LRP6: variants seen among roughly 807,000 people sequenced by gnomAD.
LRP6 encodes the protein LDL receptor related protein 6.
LRP6 carries 43 observed loss-of-function variants against 184.1 expected under a neutral mutation model. The ratio of observed to expected loss-of-function variants is 0.23; its 90% confidence interval spans 0.18 to 0.30. LRP6 has a LOEUF of 0.30. Among genes scored for constraint, LRP6 ranks in the 10% least tolerant of loss-of-function variants. LRP6 has a pLI of 1.00. For synonymous variants in LRP6, 719 were observed against 684.9 expected, an observed-to-expected ratio of 1.05 and a Z score of -0.78; for missense variants, 1,571 against 2,005.3, an observed-to-expected ratio of 0.78 and a Z score of 4.14.
intron 17 of LRP6, among the ~76,000 whole-genome samples, chr12:12,132,549 G>A (rs1949774301): frequency 2.0e-5 from 3 of 151,980 alleles, no homozygotes; most frequent in South Asian, 2.1e-4. Flanking sequence ...TCTTTGCACT[G>A]ATGCTGCAAA....
At chr12:12,163,202 G>A (rs1344232834) in intron 9 of LRP6, among the ~76,000 whole-genome samples, 3 of 151,936 alleles carry the variant, frequency 2.0e-5, no homozygotes, top group East Asian at 3.9e-4. Flanking sequence ...TCTCAAACTC[G>A]TGACCTCAGG....
At chr12:12,142,402 G>C (rs775157705) in intron 15 of LRP6, among the ~76,000 whole-genome samples, 35 of 152,108 alleles carry the variant, frequency 2.3e-4, no homozygotes, top group Non-Finnish European at 5.1e-4. Flanking sequence ...TAAGCTACTG[G>C]AACCAACAAG....
At position 12,135,293 on chromosome 12, in the gene LRP6, G is replaced by A. The variant is rs767871792; in HGVS notation, c.3615C>T (p.His1205=). ...KELNLQEYRQ[H]PCAQDNGGCS... ...AGCCACCATTATCCTGAGCACAAGG[G>A]TGCTGTCCTGCAAAGAGAAGAGGTG... Residue 1205 remains histidine (H), a synonymous_variant, in exon 17 of 23, where the codon CAC becomes CAT. Coordinates refer to ENST00000261349, the MANE Select transcript of LRP6 (RefSeq NM_002336.3). 6 of 1,613,306 alleles carry A rather than the reference G, an allele frequency of 3.7e-6. No homozygotes were observed. The South Asian group carries it at 6.6e-5, about 18-fold the overall frequency.
chr12:12,199,695 G>C (rs1458873326), intron 3 of LRP6, among the ~76,000 whole-genome samples: 1 of 151,870 alleles, frequency 6.6e-6, no homozygotes, highest in African/African-American at 2.4e-5. Flanking sequence ...GCCAGGCACG[G>C]TGGCTCATGC....
At chr12:12,213,709 G>A (rs915836703) in intron 2 of LRP6, among the ~76,000 whole-genome samples, 3 of 151,428 alleles carry the variant, frequency 2.0e-5, no homozygotes, top group African/African-American at 7.3e-5. Flanking sequence ...CTTTCCTAAC[G>A]GTAAATTCTT....
In LRP6 at chr12:12,158,823, G is replaced by A; in HGVS notation, c.2791+6C>T. 6.2e-7 allele frequency: 1 copy of A among 1,613,706 alleles called. No homozygotes were observed. Among genetic ancestry groups the A allele is most frequent in the Non-Finnish European group, 8.5e-7 (1 of 1,179,708 alleles). Reference sequence around the variant, plus strand: ...CTAGCTTGCTTTGGAGGGAAATGCAGCTTACCACTACAAGTCCTGTTGTCA... The same window carrying A: ...CTAGCTTGCTTTGGAGGGAAATGCAACTTACCACTACAAGTCCTGTTGTCA... On this transcript the variant is annotated splice_donor_region_variant and intron_variant, in intron 12 of 22. Transcript: ENST00000261349.
At position 12,262,612 on chromosome 12, in the gene LRP6, G is replaced by A. The variant is rs61410167; in HGVS notation, c.55+4069C>T. Among the ~76,000 whole-genome samples, 1,252 of 149,966 alleles carry A rather than the reference G, an allele frequency of 8.3e-3. 9 individuals carry two copies. The highest frequency in any genetic ancestry group is 0.029 in the African/African-American group (1,184 of 40,894). ...TAGTATTTCACAGATTACACACACCGATGGTATTCCAAAACCTATATTCTT... is the reference window on the plus strand; with the variant it reads ...TAGTATTTCACAGATTACACACACCAATGGTATTCCAAAACCTATATTCTT... On this transcript the variant is annotated intron_variant, in intron 1 of 22. Coordinates refer to ENST00000261349, the MANE Select transcript of LRP6 (RefSeq NM_002336.3).
intron 2 of LRP6, among the ~76,000 whole-genome samples, chr12:12,231,708 AAAC>A (rs948550775): frequency 2.0e-5 from 3 of 151,226 alleles, no homozygotes; most frequent in African/African-American, 7.3e-5. Context: ...GTTTTTGTTT[AAAC>A]AACAACAAAA....
chr12:12,234,230 T>C (rs531495836), intron 2 of LRP6, among the ~76,000 whole-genome samples: 22 of 151,622 alleles, frequency 1.5e-4, no homozygotes, highest in Non-Finnish European at 2.6e-4. Context: ...GAGGTTGCCG[T>C]GAGCCAAGAT....
Position 12,266,948 on chromosome 12 carries a change from G to A in LRP6, c.-213C>T, listed in dbSNP as rs1865787211. On this transcript the variant is annotated 5_prime_UTR_variant, in exon 1 of 23. Transcript: ENST00000261349. ...TCGGCCCCGGGCTCGCGCGACGCCA[G>A]CGTCTGCTTCCATCCCGCCGCCTCC... 1 of 568,466 alleles carries A rather than the reference G, an allele frequency of 1.8e-6. No individual in the cohort carries two copies. The highest frequency in any genetic ancestry group is 4.7e-4 in the Middle Eastern group (1 of 2,142). 35.2% of individuals were successfully genotyped at this position (568,466 alleles called of 1,614,324 possible).
At chr12:12,176,344 T>A (rs1022991487) in intron 7 of LRP6, among the ~76,000 whole-genome samples, 1 of 152,172 alleles carries the variant, frequency 6.6e-6, no homozygotes, top group East Asian at 1.9e-4. Context: ...CACCTACAGA[T>A]AGGTGGCCAC....
At chr12:12,198,023 A>G (rs989620780) in intron 3 of LRP6, among the ~76,000 whole-genome samples, 6 of 152,234 alleles carry the variant, frequency 3.9e-5, no homozygotes, top group African/African-American at 9.6e-5. Context: ...AATTCAAGCA[A>G]TTCTCCTGCC....
chr12:12,218,789 A>G (rs1159884669), intron 2 of LRP6, among the ~76,000 whole-genome samples: 1 of 152,126 alleles, frequency 6.6e-6, no homozygotes, highest in Non-Finnish European at 1.5e-5. Context: ...TGACCATGCC[A>G]CTGTACTCCA....
chr12:12,165,542 G>C (rs2136953292), intron 7 of LRP6, among the ~76,000 whole-genome samples: 1 of 152,212 alleles, frequency 6.6e-6, no homozygotes, highest in Middle Eastern at 3.4e-3. Context: ...GGCAACTTTA[G>C]ATTATGCAAC....
intron 1 of LRP6, among the ~76,000 whole-genome samples, chr12:12,255,557 G>C (rs1388092352): frequency 6.9e-6 from 1 of 144,436 alleles, no homozygotes; most frequent in Non-Finnish European, 1.5e-5. Context: ...TTGCTTTTGG[G>C]TTTGGTCACT....
intron 11 of LRP6, 21 bp from the exon 12 acceptor site, chr12:12,159,176 G>C: frequency 3.2e-6 from 5 of 1,580,434 alleles, no homozygotes; most frequent in Non-Finnish European, 4.3e-6. Context: ...AAAGGCAGTA[G>C]ACAGGGGAGA....
rs567315765 is a variant in LRP6, at chr12:12,119,987, C to CAAACAAACAAACAAAAAAAAAAAA, written c.*1138_*1139insTTTTTTTTTTTTGTTTGTTTGTTT. On this transcript the variant is annotated 3_prime_UTR_variant, in exon 23 of 23. Coordinates refer to ENST00000261349, the MANE Select transcript of LRP6 (RefSeq NM_002336.3). ...TTTACTCAGAAAACAAACAAACAAACAAAATATATATATATATATATATAT... is the reference window on the plus strand; with the variant it reads ...TTTACTCAGAAAACAAACAAACAAACAAACAAACAAACAAAAAAAAAAAAAAAATATATATATATATATATATAT... 2.3e-5 allele frequency: 1 copy of CAAACAAACAAACAAAAAAAAAAAA among 42,938 alleles called. No individual in the cohort carries two copies. Among genetic ancestry groups the CAAACAAACAAACAAAAAAAAAAAA allele is most frequent in the Non-Finnish European group, 4.5e-5 (1 of 22,140 alleles). 2.7% of individuals were successfully genotyped at this position (42,938 alleles called of 1,614,324 possible).
intron 3 of LRP6, among the ~76,000 whole-genome samples, chr12:12,190,422 C>A (rs1461438542): frequency 2.0e-5 from 3 of 152,178 alleles, no homozygotes; most frequent in Non-Finnish European, 4.4e-5. Flanking sequence ...AGAGACTCCC[C>A]CCAACCTCAC....
At chr12:12,138,619 T>C in intron 15 of LRP6, 85 bp from the exon 16 acceptor site, 2 of 1,357,106 alleles carry the variant, frequency 1.5e-6, no homozygotes, top group South Asian at 2.4e-5. Flanking sequence ...ACCAGTTAGA[T>C]TCTACAGGTA....
Sources: gnomAD v4.1 joint callset for allele counts (sites outside exome capture counted in the v4.1 genomes callset) on GRCh38, gnomAD v4.1.1 for gene constraint, MANE v1.5 for transcripts, NCBI Gene and HGNC (gene_info 2026-07-23, HGNC 2026-07-21) for gene names.